Variants in METTL21A observed in about 807,000 individuals in gnomAD.
METTL21A encodes protein N-lysine methyltransferase METTL21A.
In METTL21A, 22 loss-of-function variants were observed where a neutral mutation model predicts 20.9. The ratio of observed to expected loss-of-function variants is 1.05; its 90% confidence interval spans 0.75 to 1.50. METTL21A has a LOEUF of 1.50. Ranked by LOEUF, METTL21A falls within the 40% of genes most tolerant of loss-of-function variation. METTL21A has a pLI of 0.00. For synonymous variants in METTL21A, 93 were observed against 102.0 expected (o/e 0.91, Z 0.53); for missense variants, 271 against 266.8 (o/e 1.02, Z -0.11).
At chr2:207,625,500 G>A (rs2091018584), upstream of METTL21A, 1 of 152,320 alleles carries the variant, frequency 6.6e-6, no homozygotes, top group Admixed American at 6.5e-5. Context: ...GGGGGACCGG[G>A]GCTTTCCCTC....
At chr2:207,618,161 T>A (rs2090019386) in intron 3 of METTL21A, among the ~76,000 whole-genome samples, 1 of 152,186 alleles carries the variant, frequency 6.6e-6, no homozygotes, top group Non-Finnish European at 1.5e-5. Flanking sequence ...TGGCTGGGCA[T>A]CAAATCACAT....
Position 207,613,109 on chromosome 2 carries a change from G to T in METTL21A, c.594C>A (p.Tyr198Ter). ...AAATATGTACATCTTTTTCAGGATC[G>T]TAGTGAACCTTTCTCACAGTAAATT... Residue 198 changes from tyrosine to a stop codon, truncating the protein, a stop_gained, in exon 4 of 4, where the codon TAC becomes TAA. Coordinates refer to ENST00000406927, the Ensembl canonical transcript of METTL21A. LOFTEE classifies it high-confidence loss of function. 1 of 1,608,756 alleles carries T rather than the reference G, an allele frequency of 6.2e-7. No homozygotes were observed. Among genetic ancestry groups the T allele is most frequent in the Non-Finnish European group, 8.5e-7 (1 of 1,178,178 alleles).
chr2:207,620,092 C>T (rs2090303793), intron 3 of METTL21A, among the ~76,000 whole-genome samples: 1 of 152,124 alleles, frequency 6.6e-6, no homozygotes, highest in Admixed American at 6.6e-5. Context: ...CAGAAGAAAC[C>T]TCATTTCCCC....
intron 2 of METTL21A, among the ~76,000 whole-genome samples, chr2:207,622,338 T>C (rs964355596): frequency 4.6e-5 from 7 of 151,906 alleles, no homozygotes; most frequent in African/African-American, 1.7e-4. Context: ...CAGCTAATTT[T>C]TGTAGTTTTT....
chr2:207,604,352 A>G (rs1002147757), downstream of METTL21A, among the ~76,000 whole-genome samples: 1 of 152,102 alleles, frequency 6.6e-6, no homozygotes, highest in Non-Finnish European at 1.5e-5. Context: ...TTCTCCCCCA[A>G]ATCTTCCTTC....
chr2:207,604,025 C>T (rs1031736618), intron 3 of METTL21A, among the ~76,000 whole-genome samples: 3 of 152,108 alleles, frequency 2.0e-5, no homozygotes, highest in South Asian at 2.1e-4. Context: ...TCTGCAACAA[C>T]GATTACAGAA....
chr2:207,590,769 C>T (rs920407882), intron 3 of METTL21A, among the ~76,000 whole-genome samples: 3 of 152,086 alleles, frequency 2.0e-5, no homozygotes, highest in African/African-American at 7.2e-5. Context: ...TCCAGTAAAA[C>T]TTTATTTACA....
intron 1 of METTL21A, 66 bp downstream of exon 1, chr2:207,624,996 G>A (rs545843206): frequency 6.6e-6 from 1 of 152,448 alleles, no homozygotes; most frequent in East Asian, 1.9e-4. Flanking sequence ...GCCTCCAAGC[G>A]GCTCGCGGGG....
chr2:207,581,723 A>G, exon 4 of METTL21A: 2 of 604,696 alleles, frequency 3.3e-6, no homozygotes, highest in South Asian at 4.2e-5. Flanking sequence ...ACATTTATCA[A>G]AAATAAAAGT....
intron 3 of METTL21A, chr2:207,597,849 C>G (rs1297272747): frequency 5.2e-6 from 1 of 192,112 alleles, no homozygotes; most frequent in Non-Finnish European, 1.1e-5. Context: ...AAGTACAAAG[C>G]ATATTTTAGT....
At chr2:207,608,425 T>G (rs2088458534), downstream of METTL21A, among the ~76,000 whole-genome samples, 2 of 152,188 alleles carry the variant, frequency 1.3e-5, no homozygotes. Context: ...ATGATTTTTT[T>G]TTTTCTTGCC....
intron 3 of METTL21A, among the ~76,000 whole-genome samples, chr2:207,614,531 T>C (rs2089431007): frequency 6.6e-6 from 1 of 152,230 alleles, no homozygotes; most frequent in Non-Finnish European, 1.5e-5. Flanking sequence ...CACTTCTCCT[T>C]AGGCTGTTAT....
At chr2:207,597,221 A>ATGAT in intron 3 of METTL21A, 1 of 728,896 alleles carries the variant, frequency 1.4e-6, no homozygotes, top group Non-Finnish European at 2.1e-6. Flanking sequence ...TTTTGCATTA[A>ATGAT]ACTGTGAATG....
At position 207,620,873 on chromosome 2, in the gene METTL21A, A is replaced by G. The variant is rs2090402538; in HGVS notation, c.259+933T>C. ...AAAGAGGGGCTTTAGCTGGTCCTCA[A>G]ATATCTGTAGACAATGCGATGGGTT... is the stretch of plus-strand genomic sequence containing the variant. On this transcript the variant is annotated intron_variant, in intron 3 of 3. Transcript: ENST00000406927. 12 of 546,036 alleles carry G rather than the reference A, an allele frequency of 2.2e-5. No individual in the cohort carries two copies. The East Asian group carries it at 3.4e-4, about 15-fold the overall frequency. 33.8% of individuals were successfully genotyped at this position (546,036 alleles called of 1,614,324 possible). A position where few individuals can be genotyped will look rare whatever the true frequency, so the allele number is the denominator to read the frequency against.
intron 3 of METTL21A, chr2:207,597,200 T>G: frequency 1.1e-6 from 1 of 887,498 alleles, no homozygotes; most frequent in African/African-American, 1.8e-5. Flanking sequence ...CAGAATTTCA[T>G]TCATTTGTGC....
At position 207,620,453 on chromosome 2, in the gene METTL21A, T is replaced by TAAATAAAATAAAATAAAATA. The variant is rs58925319; in HGVS notation, c.259+1333_259+1352dup. Reference sequence around the variant, plus strand: ...GTGAGACTCCATCTCAAAAAATAAATAAATAAAATAAAATAAAATAAAATA... The same window carrying TAAATAAAATAAAATAAAATA: ...GTGAGACTCCATCTCAAAAAATAAATAAATAAAATAAAATAAAATAAAATAAAATAAAATAAAATAAAATA... On this transcript the variant is annotated intron_variant, in intron 3 of 3. Transcript: ENST00000406927. 2.8e-3 allele frequency among the ~76,000 whole-genome samples: 409 copies of TAAATAAAATAAAATAAAATA among 146,858 alleles called. 3 individuals carry two copies. Among genetic ancestry groups the TAAATAAAATAAAATAAAATA allele is most frequent in the African/African-American group, 1.0e-2 (397 of 39,762 alleles).
chr2:207,612,716 T>C (rs2089139402), downstream of METTL21A: 1 of 196,526 alleles, frequency 5.1e-6, no homozygotes, highest in Non-Finnish European at 1.0e-5. Context: ...CTTACTCATT[T>C]AAAGACTTCT....
chr2:207,606,795 A>G (rs2088184578), downstream of METTL21A, among the ~76,000 whole-genome samples: 1 of 152,156 alleles, frequency 6.6e-6, no homozygotes. Flanking sequence ...TGATTTTTTA[A>G]AGTACTTTAA....
intron 2 of METTL21A, among the ~76,000 whole-genome samples, 187 bp downstream of exon 2, chr2:207,624,042 G>T (rs888703948): frequency 4.6e-5 from 7 of 152,090 alleles, no homozygotes; most frequent in African/African-American, 7.2e-5. Flanking sequence ...TAAAATTGAA[G>T]CGGTAATAGT....
Sources: gnomAD v4.1 joint callset for allele counts (sites outside exome capture counted in the v4.1 genomes callset) on GRCh38, gnomAD v4.1.1 for gene constraint, MANE v1.5 for transcripts, NCBI Gene and HGNC (gene_info 2026-07-23, HGNC 2026-07-21) for gene names.